The following PLXNA4 variants were observed in gnomAD, a reference collection of about 807,000 sequenced individuals.
PLXNA4 encodes the protein plexin-A4.
PLXNA4 carries 44 observed loss-of-function variants against 191.8 expected under a neutral mutation model. The ratio of observed to expected loss-of-function variants is 0.23; its 90% CI spans 0.18 to 0.29. The LOEUF is 0.29. PLXNA4 is among the 10% of genes least tolerant of loss of function. The pLI is 1.00. For synonymous variants in PLXNA4, 1,082 were observed against 1,009.5 expected, an observed-to-expected ratio of 1.07 and a Z score of -1.36; for missense variants, 1,800 against 2,488.8, an observed-to-expected ratio of 0.72 and a Z score of 5.89.
chr7:132,226,196 G>C lies in PLXNA4; in HGVS notation c.1947C>G (p.Thr649=). The part of the protein sequence containing the change: ...SKETGMTFAS[T]SFVFYNCSVH... ...CGCTGCAATTGTAGAAGACAAAGCT[G>C]GTGCTGGCGAAGGTCATGCCGGTCT... The change falls in exon 8 of 32, where the codon ACC becomes ACG. Residue 649 remains threonine, a synonymous_variant. Transcript: ENST00000321063. 6.2e-7 allele frequency: 1 copy of C among 1,613,966 alleles called. No homozygotes were observed. The highest frequency in any genetic ancestry group is 1.1e-5 in the South Asian group (1 of 91,072).
intron 9 of PLXNA4, among the ~76,000 whole-genome samples, chr7:132,217,779 G>A (rs1798009945): frequency 6.6e-6 from 1 of 152,088 alleles, no homozygotes; most frequent in African/African-American, 2.4e-5. Context: ...CCTGAAGTGG[G>A]GAGGGGCAGG....
intron 2 of PLXNA4, among the ~76,000 whole-genome samples, chr7:132,633,577 C>A (rs191960742): frequency 6.6e-6 from 1 of 152,136 alleles, no homozygotes; most frequent in African/African-American, 2.4e-5. Flanking sequence ...CACCACCCCC[C>A]ACCAAGGTTC....
At chr7:132,417,714 G>A (rs1345718103) in intron 3 of PLXNA4, among the ~76,000 whole-genome samples, 2 of 149,724 alleles carry the variant, frequency 1.3e-5, no homozygotes, top group Non-Finnish European at 3.0e-5. Flanking sequence ...AGAGGTGGGG[G>A]AGGAGGGGAG....
intron 12 of PLXNA4, among the ~76,000 whole-genome samples, chr7:132,199,945 C>A (rs1273137823): frequency 6.6e-6 from 1 of 152,186 alleles, no homozygotes; most frequent in Admixed American, 6.5e-5. Context: ...CCTGGAGACA[C>A]AGGCCCATTT....
intron 3 of PLXNA4, among the ~76,000 whole-genome samples, chr7:132,318,752 T>C (rs1034957398): frequency 3.3e-5 from 5 of 151,736 alleles, no homozygotes; most frequent in Non-Finnish European, 7.4e-5. Flanking sequence ...CTGTAGTTGT[T>C]ACACAGGCAA....
chr7:132,484,909 C>T (rs1428911061), intron 3 of PLXNA4: 1 of 1,614,182 alleles, frequency 6.2e-7, no homozygotes, highest in Non-Finnish European at 8.5e-7. Flanking sequence ...ACTGAAGATA[C>T]ACACACAGCA....
At chr7:132,264,947 G>T (rs1222464514) in intron 4 of PLXNA4, among the ~76,000 whole-genome samples, 1 of 152,104 alleles carries the variant, frequency 6.6e-6, no homozygotes, top group Non-Finnish European at 1.5e-5. Context: ...ATCTGCCTTG[G>T]CTTCCCAAAG....
intron 4 of PLXNA4, among the ~76,000 whole-genome samples, chr7:132,247,320 T>G (rs1799094023): frequency 6.6e-6 from 1 of 152,224 alleles, no homozygotes; most frequent in South Asian, 2.1e-4. Flanking sequence ...AATGCAACGA[T>G]GGCTACACTG....
rs561124638 is a variant in PLXNA4, at chr7:132,599,804, G to A, written c.-87+46124C>T. On this transcript the variant is annotated intron_variant, in intron 2 of 4. Transcript: ENST00000378539. The stretch of plus-strand genomic sequence containing the variant: ...ATACGTCCAAATTTTTTTCAATAAA[G>A]ATAATGTTTACTTTTTCTTTTTTGG... Among the ~76,000 whole-genome samples, 13 of 151,486 alleles carry A rather than the reference G, an allele frequency of 8.6e-5. No individual in the cohort carries two copies. In the South Asian group the frequency reaches 2.7e-3, roughly 32 times the overall value.
In PLXNA4 at chr7:132,360,209, G is replaced by T. The variant is rs1463363433; in HGVS notation, c.1372-61987C>A. Reference sequence around the variant, plus strand: ...TCTCCCTAAGCTTACCTTTCTGCCAGGCAGTCACTAAGAAACACGGTCTCA... The same window carrying T: ...TCTCCCTAAGCTTACCTTTCTGCCATGCAGTCACTAAGAAACACGGTCTCA... On this transcript the variant is annotated intron_variant, in intron 3 of 31. Coordinates refer to ENST00000321063, the MANE Select transcript of PLXNA4 (RefSeq NM_020911.2). Among the ~76,000 whole-genome samples the T allele has an allele frequency of 2.6e-5, 4 of 152,238 alleles. No homozygotes were observed. The South Asian group carries it at 8.3e-4, about 32-fold the overall frequency.
At chr7:132,345,476 C>A (rs1267922671) in intron 3 of PLXNA4, among the ~76,000 whole-genome samples, 1 of 152,226 alleles carries the variant, frequency 6.6e-6, no homozygotes, top group Non-Finnish European at 1.5e-5. Context: ...ATCTCATCCA[C>A]AATTACAACA....
intron 3 of PLXNA4, among the ~76,000 whole-genome samples, chr7:132,355,656 C>T (rs1803668033): frequency 6.6e-6 from 1 of 151,992 alleles, no homozygotes; most frequent in South Asian, 2.1e-4. Flanking sequence ...AGTTTGTATC[C>T]TAGTGTGGGA....
intron 1 of PLXNA4, among the ~76,000 whole-genome samples, chr7:132,570,622 G>A (rs1483261145): frequency 6.6e-6 from 1 of 152,122 alleles, no homozygotes. Context: ...AATTTCCAGC[G>A]ACCTCTTCCT....
intron 1 of PLXNA4, among the ~76,000 whole-genome samples, chr7:132,558,536 G>T (rs966659949): frequency 1.3e-5 from 2 of 152,088 alleles, no homozygotes; most frequent in Non-Finnish European, 2.9e-5. Context: ...TTAAGTATTT[G>T]CCAAGAAGGC....
intron 20 of PLXNA4, among the ~76,000 whole-genome samples, chr7:132,177,293 A>G (rs1421466162): frequency 6.6e-6 from 1 of 152,170 alleles, no homozygotes; most frequent in East Asian, 1.9e-4. Context: ...GTATGTTTAT[A>G]TATCAGAAGC....
rs183257734 is a variant in PLXNA4 at position 132,604,362 on chromosome 7, T to C, written c.-87+41566A>G. Among the ~76,000 whole-genome samples the C allele has an allele frequency of 1.8e-4, 27 of 152,220 alleles. No homozygotes were observed. The East Asian group carries it at 5.0e-3, about 28-fold the overall frequency. Reference sequence around the variant, plus strand: ...AAGAGAGAGAAGAGGAACATAGATATACGGACAGGAAACAGGAGACAGGGT... The same window carrying C: ...AAGAGAGAGAAGAGGAACATAGATACACGGACAGGAAACAGGAGACAGGGT... On this transcript the variant is annotated intron_variant, in intron 2 of 4. Transcript: ENST00000378539.
intron 12 of PLXNA4, among the ~76,000 whole-genome samples, chr7:132,199,125 C>A (rs1312323792): frequency 2.0e-5 from 3 of 152,168 alleles, no homozygotes. Flanking sequence ...AAGGTACCTT[C>A]TTTGTGCCAC....
intron 3 of PLXNA4, among the ~76,000 whole-genome samples, chr7:132,436,647 T>A (rs1237656292): frequency 6.6e-6 from 1 of 152,178 alleles, no homozygotes; most frequent in African/African-American, 2.4e-5. Context: ...AGTTGCTACA[T>A]GGAAAATCAG....
At position 132,576,299 on chromosome 7, in the gene PLXNA4, G is replaced by T; in HGVS notation, c.-87+123C>A. 1 of 681,484 alleles carries T rather than the reference G, an allele frequency of 1.5e-6. No homozygotes were observed. Among genetic ancestry groups the T allele is most frequent in the Non-Finnish European group, 1.8e-6 (1 of 553,156 alleles). The allele number at this position is 681,484 out of a possible 1,614,324, so 42.2% of individuals were successfully genotyped here. On this transcript the variant is annotated intron_variant, in intron 1 of 31. Coordinates refer to ENST00000321063, the MANE Select transcript of PLXNA4 (RefSeq NM_020911.2). This position sits in a 1 kb window ranked among gnomAD's most constrained non-coding sequence, Gnocchi z 5.8. ...GATCTGTGTGTGTGCCTGCGTGTGT[G>T]CGTGTGCGTGTGCCGCGGGCTGGCT...
Sources: gnomAD v4.1 joint callset for allele counts (sites outside exome capture counted in the v4.1 genomes callset) on GRCh38, gnomAD v4.1.1 for gene constraint, Gnocchi (gnomAD v3.1) non-coding constraint, MANE v1.5 for transcripts, NCBI Gene and HGNC (gene_info 2026-07-23, HGNC 2026-07-21) for gene names.